The following WNK3 variants were observed in gnomAD, a reference collection of about 807,000 sequenced individuals.
WNK3 encodes WNK lysine deficient protein kinase 3.
In WNK3, 18 loss-of-function variants were observed where a neutral mutation model predicts 116.7. That is an observed-to-expected ratio of 0.15 (90% CI 0.11 to 0.23). The LOEUF is 0.23. WNK3 is among the 10% of genes least tolerant of loss of function. The probability of loss-of-function intolerance (pLI) is 1.00; values close to 1 mark genes in which losing one functional copy is unlikely to be tolerated. For synonymous variants in WNK3, 404 were observed against 469.4 expected (o/e 0.86, Z 1.80); for missense variants, 993 against 1,323.8 (o/e 0.75, Z 3.88).
intron 10 of WNK3, among the ~76,000 whole-genome samples, chrX:54,287,006 T>C (rs1557164097): frequency 9.0e-6 from 1 of 110,821 alleles, no homozygotes. Flanking sequence ...GGAGGGTAAC[T>C]ATCTTTCAAA....
intron 10 of WNK3, among the ~76,000 whole-genome samples, chrX:54,276,428 C>T (rs782142028): frequency 7.2e-5 from 8 of 111,441 alleles, no homozygotes; most frequent in Admixed American, 3.9e-4. Context: ...CAACACCTCA[C>T]TCTCAGCAAT....
At position 54,309,279 on chromosome X, in the gene WNK3, G is replaced by C. The variant is rs2068859361; in HGVS notation, c.747C>G (p.Val249=). ...AAATTTGCCTGCACCAGCTCCTTAA[G>C]ACCTTTGGTTTCATGACTTTAAATC... is the stretch of plus-strand genomic sequence containing the variant. The change falls in exon 4 of 24, where the codon GTC becomes GTG. Residue 249 remains valine, a synonymous_variant. Coordinates refer to ENST00000354646, the Ensembl canonical transcript of WNK3. 3 of 1,211,128 alleles carry C rather than the reference G, an allele frequency of 2.5e-6. 1 individual carries two copies. The East Asian group carries it at 8.9e-5, about 36-fold the overall frequency.
chrX:54,264,421 C>T (rs782142581), intron 10 of WNK3, among the ~76,000 whole-genome samples: 1 of 110,058 alleles, frequency 9.1e-6, no homozygotes, highest in African/African-American at 3.3e-5. Context: ...CTGCCTTGAC[C>T]TTCCAGAGTG....
At chrX:54,254,406 CTT>C (rs1485706401) in intron 12 of WNK3, among the ~76,000 whole-genome samples, 12 of 112,349 alleles carry the variant, frequency 1.1e-4, no homozygotes, top group African/African-American at 3.5e-4. Flanking sequence ...CCAAAATTAT[CTT>C]AATCTATAAA....
At chrX:54,309,476 T>C (rs1378081293) in intron 3 of WNK3, among the ~76,000 whole-genome samples, 161 bp from the exon 4 acceptor site, 2 of 112,206 alleles carry the variant, frequency 1.8e-5, no homozygotes, top group Admixed American at 1.9e-4. Context: ...TTTAATCTAA[T>C]ACTTCATTCT....
chrX:54,277,495 G>GC (rs1347702532), intron 10 of WNK3, among the ~76,000 whole-genome samples: 1 of 108,429 alleles, frequency 9.2e-6, no homozygotes, highest in Non-Finnish European at 1.9e-5. Context: ...GTGCCACCAC[G>GC]CCCAGCTAAT....
intron 10 of WNK3, among the ~76,000 whole-genome samples, chrX:54,278,289 A>G (rs1271542446): frequency 9.1e-6 from 1 of 110,459 alleles, no homozygotes; most frequent in African/African-American, 3.3e-5. Flanking sequence ...AACATAGTCA[A>G]GATGTCAATT....
chrX:54,254,784 T>C (rs1460164214), intron 12 of WNK3, among the ~76,000 whole-genome samples: 1 of 111,619 alleles, frequency 9.0e-6, no homozygotes, highest in Non-Finnish European at 1.9e-5. Context: ...TATTGAAAAA[T>C]TAATGATACA....
chrX:54,292,794 A>G, intron 10 of WNK3, 94 bp downstream of exon 10: 1 of 907,959 alleles, frequency 1.1e-6, no homozygotes, highest in Non-Finnish European at 1.5e-6. Flanking sequence ...TCTAAACTAT[A>G]ATGAATTTAT....
intron 23 of WNK3, among the ~76,000 whole-genome samples, chrX:54,199,162 T>C (rs1298330818): frequency 9.0e-6 from 1 of 110,535 alleles, no homozygotes; most frequent in Non-Finnish European, 1.9e-5. Context: ...AAATCAAATG[T>C]GTGATCTTCC....
chrX:54,341,218 G>A (rs1255428187), intron 1 of WNK3, among the ~76,000 whole-genome samples: 1 of 110,704 alleles, frequency 9.0e-6, no homozygotes, highest in Non-Finnish European at 1.9e-5. Flanking sequence ...CCAACATGGT[G>A]AAACCCCATC....
At chrX:54,307,847 G>T in intron 5 of WNK3, 75 bp downstream of exon 5, 1 of 1,014,643 alleles carries the variant, frequency 9.9e-7, no homozygotes, top group Non-Finnish European at 1.3e-6. Context: ...AATTAGTTTT[G>T]AGTAAGTCAA....
At chrX:54,324,167 C>T (rs2069070496) in intron 2 of WNK3, among the ~76,000 whole-genome samples, 1 of 111,860 alleles carries the variant, frequency 8.9e-6, no homozygotes. Flanking sequence ...CATCAGATCT[C>T]CTCCTCTGAC....
chrX:54,263,147 G>A (rs782123930), intron 10 of WNK3, among the ~76,000 whole-genome samples: 2 of 110,493 alleles, frequency 1.8e-5, no homozygotes, highest in African/African-American at 3.3e-5. Flanking sequence ...GCCCCAGAAG[G>A]GGAGATGGGA....
rs181347024 is a variant in WNK3 at position 54,282,052 on chromosome X, G to A, written c.2037+10836C>T. Among the ~76,000 whole-genome samples, 761 of 98,411 alleles carry A rather than the reference G, an allele frequency of 7.7e-3. 10 individuals are homozygous for A. The highest frequency in any genetic ancestry group is 0.028 in the African/African-American group (741 of 26,605). The allele number at this position is 98,411 out of a possible 115,157, so 85.5% of individuals were successfully genotyped here. ...AACTTTCATACTGTTTTGTTTGTTTGTTTTTGAGACAGGGTCTTGCTCTGT... is the reference window on the plus strand; with the variant it reads ...AACTTTCATACTGTTTTGTTTGTTTATTTTTGAGACAGGGTCTTGCTCTGT... On this transcript the variant is annotated intron_variant, in intron 10 of 23. Transcript: ENST00000354646.
chrX:54,249,695 C>T (rs782719052), intron 16 of WNK3, 61 bp from the exon 17 acceptor site: 2 of 1,040,578 alleles, frequency 1.9e-6, no homozygotes, highest in East Asian at 6.1e-5. Flanking sequence ...CAGACTAGTA[C>T]CCTAAGTCAA....
rs1197255005 is a variant in WNK3 at position 54,202,213 on chromosome X, A to G, written c.4871-20T>C. On this transcript the variant is annotated intron_variant, in intron 22 of 23. Coordinates refer to ENST00000354646, the Ensembl canonical transcript of WNK3. ...GTGGATCTATAAGACAAAAAAAACAACAACAGGGAAACCATGAAAAAGAAT... is the reference window on the plus strand; with the variant it reads ...GTGGATCTATAAGACAAAAAAAACAGCAACAGGGAAACCATGAAAAAGAAT... 2 of 1,163,277 alleles carry G rather than the reference A, an allele frequency of 1.7e-6. No homozygotes were observed. Among genetic ancestry groups the G allele is most frequent in the Non-Finnish European group, 2.3e-6 (2 of 864,190 alleles).
chrX:54,268,505 T>A (rs1262918945), intron 10 of WNK3, among the ~76,000 whole-genome samples: 1 of 110,587 alleles, frequency 9.0e-6, no homozygotes, highest in East Asian at 2.8e-4. Context: ...AAAAAATTTT[T>A]AAAAATGCAA....
chrX:54,305,935 A>C (rs1557168533), intron 5 of WNK3, among the ~76,000 whole-genome samples: 1 of 110,227 alleles, frequency 9.1e-6, no homozygotes, highest in East Asian at 2.8e-4. Context: ...CACGCCTGTA[A>C]TCCCAGCTAC....
Sources: gnomAD v4.1 joint callset for allele counts (sites outside exome capture counted in the v4.1 genomes callset) on GRCh38, gnomAD v4.1.1 for gene constraint, MANE v1.5 for transcripts, NCBI Gene and HGNC (gene_info 2026-07-23, HGNC 2026-07-21) for gene names.